Variants in MYO16 observed in about 807,000 individuals in gnomAD.
MYO16 encodes myosin XVI, also known as unconventional myosin-XVI.
A neutral mutation model predicts 205.3 loss-of-function variants in MYO16; 94 were observed. That is an observed-to-expected ratio of 0.46 (90% CI 0.39 to 0.54). MYO16 has a LOEUF of 0.54. MYO16 is among the 20% of genes least tolerant of loss of function. MYO16 has a pLI of 0.00. For missense variants in MYO16, 2,315 were observed against 2,387.5 expected (o/e 0.97, Z 0.63); for synonymous variants, 988 against 954.0 (o/e 1.04, Z -0.66).
intron 16 of MYO16, among the ~76,000 whole-genome samples, chr13:108,924,212 C>T (rs550182603): frequency 1.2e-4 from 18 of 152,246 alleles, no homozygotes; most frequent in Middle Eastern, 3.4e-3. Context: ...CAAAGTGTCA[C>T]GAGATATTGT....
In MYO16 at chr13:109,127,103, G is replaced by A. The variant is rs1876289416; in HGVS notation, c.3783-179G>A. ...CATCACAAAGCCGGAGCCAGAGGAC[G>A]GGTGGCCTTCTCTGGACCAACTGGT... On this transcript the variant is annotated intron_variant, in intron 30 of 34. Transcript: ENST00000457511. The surrounding 1 kb of genome is among the most constrained non-coding windows in gnomAD (Gnocchi z 4.2). Among the ~76,000 whole-genome samples, 1 of 152,146 alleles carries A rather than the reference G, an allele frequency of 6.6e-6. No homozygotes were observed. Among genetic ancestry groups the A allele is most frequent in the African/African-American group, 2.4e-5 (1 of 41,438 alleles).
chr13:109,039,816 C>A (rs1477401973), intron 23 of MYO16, among the ~76,000 whole-genome samples: 1 of 151,656 alleles, frequency 6.6e-6, no homozygotes, highest in Non-Finnish European at 1.5e-5. Context: ...CCACAGTAAG[C>A]AAATGGAAAC....
chr13:108,972,243 C>CTATATATA (rs1161845637), intron 20 of MYO16, among the ~76,000 whole-genome samples: 7 of 11,500 alleles, frequency 6.1e-4, no homozygotes, highest in Non-Finnish European at 7.3e-4. Context: ...CTCTCTCTCT[C>CTATATATA]TCTCTCTATA....
chr13:108,754,647 C>G (rs1019773724), intron 4 of MYO16, among the ~76,000 whole-genome samples: 1 of 152,118 alleles, frequency 6.6e-6, no homozygotes, highest in Non-Finnish European at 1.5e-5. Context: ...GTTGTATACT[C>G]CTTAGTATAA....
chr13:108,832,818 A>G (rs1876697076), intron 9 of MYO16, among the ~76,000 whole-genome samples: 1 of 152,164 alleles, frequency 6.6e-6, no homozygotes, highest in Non-Finnish European at 1.5e-5. Flanking sequence ...GTAATCTATA[A>G]AACATCAAGC....
chr13:108,987,551 C>T (rs144028219), intron 20 of MYO16, among the ~76,000 whole-genome samples: 1 of 152,340 alleles, frequency 6.6e-6, no homozygotes, highest in East Asian at 1.9e-4. Context: ...AATGCCATAG[C>T]ATAGCTCGGC....
intron 11 of MYO16, among the ~76,000 whole-genome samples, chr13:108,865,322 A>G (rs917267154): frequency 2.6e-5 from 4 of 152,156 alleles, no homozygotes; most frequent in Non-Finnish European, 4.4e-5. Context: ...TTCTTTATAT[A>G]TGTGATGCTA....
chr13:108,509,762 C>T, the MYO16 span, among the ~76,000 whole-genome samples: 3 of 152,124 alleles, frequency 2.0e-5, no homozygotes, highest in African/African-American at 7.2e-5. Context: ...AAAACCTGCA[C>T]ATTATGCACA....
At chr13:109,164,858 C>T in intron 32 of MYO16, 43 bp from the exon 33 acceptor site, 2 of 1,217,728 alleles carry the variant, frequency 1.6e-6, no homozygotes, top group Non-Finnish European at 2.3e-6. Flanking sequence ...ATATTCAGTA[C>T]ATGTTATCAG....
chr13:109,006,044 G>T (rs1362230860), intron 21 of MYO16, among the ~76,000 whole-genome samples: 2 of 152,134 alleles, frequency 1.3e-5, no homozygotes, highest in Non-Finnish European at 2.9e-5. Context: ...AATTTGTCTT[G>T]CTCATTGGAA....
chr13:109,147,123 G>C lies in MYO16; in HGVS notation c.5164+5747G>C, dbSNP rs567887471. Among the ~76,000 whole-genome samples the C allele has an allele frequency of 1.1e-4, 17 of 151,498 alleles. No homozygotes were observed. In the South Asian group the frequency reaches 3.3e-3, roughly 30 times the overall value. On this transcript the variant is annotated intron_variant, in intron 32 of 34. Transcript: ENST00000457511. ...GGGCTAGCATTCCACCAAGCAATGT[G>C]ACTCTGCAAATTTCTCCAAGGGAAC...
intron 16 of MYO16, among the ~76,000 whole-genome samples, chr13:108,932,889 G>C (rs753752696): frequency 6.6e-6 from 1 of 152,098 alleles, no homozygotes; most frequent in African/African-American, 2.4e-5. Flanking sequence ...GGGGGCCCAT[G>C]GACTGTCCCT....
chr13:108,962,595 A>G (rs1235880021), intron 19 of MYO16, 100 bp downstream of exon 19: 1 of 833,478 alleles, frequency 1.2e-6, no homozygotes, highest in Non-Finnish European at 1.9e-6. Context: ...TATTTCTATG[A>G]ATTGAATGCC....
chr13:109,140,638 G>A lies in MYO16; in HGVS notation c.4426G>A (p.Gly1476Ser), dbSNP rs750256740. 10 of 1,514,600 alleles carry A rather than the reference G, an allele frequency of 6.6e-6. No homozygotes were observed. The African/African-American group carries it at 1.3e-4, about 20-fold the overall frequency. The allele number at this position is 1,514,600 out of a possible 1,614,324, so 93.8% of individuals were successfully genotyped here. The stretch of plus-strand genomic sequence containing the variant: ...GGGCGCGGGCTCCTTCCTGCTCCAC[G>A]GCGCATCGCCGCCCCTGCTCCACCG... Reference protein sequence around the residue: ...GPGAGSFLLHGASPPLLHRAP... With the variant: ...GPGAGSFLLHSASPPLLHRAP... The change falls in exon 32 of 35, where the codon GGC becomes AGC. Residue 1476 changes from glycine (G) to serine (S), a missense_variant. Gly to Ser is a moderately conservative substitution (Grantham distance 56). Coordinates refer to ENST00000457511, the MANE Select transcript of MYO16 (RefSeq NM_001198950.3). This position sits in a 1 kb window ranked among gnomAD's most constrained non-coding sequence, Gnocchi z 8.0.
chr13:109,177,646 T>G (rs1273512770), intron 33 of MYO16, among the ~76,000 whole-genome samples: 1 of 152,056 alleles, frequency 6.6e-6, no homozygotes, highest in East Asian at 1.9e-4. Context: ...GCCTCCTGAG[T>G]AGCTGAGACT....
At chr13:108,577,015 C>T in the MYO16 span, among the ~76,000 whole-genome samples, 1 of 152,184 alleles carries the variant, frequency 6.6e-6, no homozygotes, top group African/African-American at 2.4e-5. Context: ...CCTGCCTCAG[C>T]CTCCCAAGGT....
intron 27 of MYO16, among the ~76,000 whole-genome samples, chr13:109,080,893 A>G (rs1472427653): frequency 6.6e-6 from 1 of 152,192 alleles, no homozygotes; most frequent in Non-Finnish European, 1.5e-5. Flanking sequence ...GGCTTAAAAA[A>G]TTAGGATTTT....
At chr13:108,718,795 A>G (rs12431361) in intron 3 of MYO16, among the ~76,000 whole-genome samples, 1 of 151,942 alleles carries the variant, frequency 6.6e-6, no homozygotes, top group Non-Finnish European at 1.5e-5. Flanking sequence ...CCATAACTGG[A>G]AAGTCCCTAG....
chr13:108,733,963 C>T lies in MYO16; in HGVS notation c.507+6380C>T, dbSNP rs981309905. On this transcript the variant is annotated intron_variant, in intron 4 of 34. Transcript: ENST00000457511. ...CAGCCTGGGCGACAGAATGAGACTC[C>T]GTCTCAAAAAAAAATAAATAAATAA... 4.4e-4 allele frequency among the ~76,000 whole-genome samples: 67 copies of T among 151,770 alleles called. 1 individual carries two copies. Among genetic ancestry groups the T allele is most frequent in the African/African-American group, 1.6e-3 (65 of 41,338 alleles).
Sources: gnomAD v4.1 joint callset for allele counts (sites outside exome capture counted in the v4.1 genomes callset) on GRCh38, gnomAD v4.1.1 for gene constraint, Gnocchi (gnomAD v3.1) non-coding constraint, MANE v1.5 for transcripts, NCBI Gene and HGNC (gene_info 2026-07-23, HGNC 2026-07-21) for gene names.